The following AP2B1 variants were observed in gnomAD, a reference collection of about 807,000 sequenced individuals.
AP2B1 encodes the protein adaptor related protein complex 2 subunit beta 1, also known as AP-2 complex subunit beta.
A neutral mutation model predicts 102.0 loss-of-function variants in AP2B1; 23 were observed. The observed-to-expected ratio is 0.23, with a 90% confidence interval of 0.16 to 0.32. The LOEUF is 0.32. Among genes scored for constraint, AP2B1 ranks in the 10% least tolerant of loss-of-function variants. AP2B1 has a pLI of 1.00. For synonymous variants in AP2B1, 381 were observed against 421.2 expected, an observed-to-expected ratio of 0.90 and a Z score of 1.17; for missense variants, 541 against 1,157.4, an observed-to-expected ratio of 0.47 and a Z score of 7.73.
chr17:35,643,908 T>C (rs1010429624), intron 12 of AP2B1, among the ~76,000 whole-genome samples: 2 of 152,238 alleles, frequency 1.3e-5, no homozygotes, highest in African/African-American at 4.8e-5. Context: ...TGATCAGCTT[T>C]CTTTTCCATA....
Position 35,637,809 on chromosome 17 carries a change from C to T in AP2B1, c.1271+1353C>T, listed in dbSNP as rs555330839. Reference sequence around the variant, plus strand: ...CAAACATTCTCCTGCCTCAATCTCCCGAGTAGCTGGGATTACAGGTGGCTG... The same window carrying T: ...CAAACATTCTCCTGCCTCAATCTCCTGAGTAGCTGGGATTACAGGTGGCTG... On this transcript the variant is annotated intron_variant, in intron 10 of 21. Transcript: ENST00000610402. Among the ~76,000 whole-genome samples the T allele has an allele frequency of 3.7e-4, 56 of 151,454 alleles. 1 individual carries two copies. The highest frequency in any genetic ancestry group is 1.9e-4 in the Non-Finnish European group (13 of 67,894).
chr17:35,673,910 C>T (rs2075643942), intron 16 of AP2B1, among the ~76,000 whole-genome samples: 2 of 152,122 alleles, frequency 1.3e-5, no homozygotes, highest in Admixed American at 6.5e-5. Context: ...GAGCAGAAGC[C>T]AGGGTCGTTT....
At chr17:35,720,325 G>C (rs1269462470) in intron 21 of AP2B1, among the ~76,000 whole-genome samples, 1 of 151,342 alleles carries the variant, frequency 6.6e-6, no homozygotes, top group Non-Finnish European at 1.5e-5. Context: ...GCCACATATT[G>C]AAATGATCCT....
chr17:35,619,600 A>G (rs544596133), intron 5 of AP2B1, among the ~76,000 whole-genome samples: 86 of 152,222 alleles, frequency 5.6e-4, no homozygotes, highest in African/African-American at 2.0e-3. Context: ...GATTTTACAC[A>G]TCTACATGTG....
chr17:35,661,533 T>C (rs1027331522), intron 14 of AP2B1, among the ~76,000 whole-genome samples: 4 of 152,238 alleles, frequency 2.6e-5, no homozygotes, highest in African/African-American at 9.6e-5. Context: ...TCCCCCTGAA[T>C]ATTTTTCTGT....
intron 1 of AP2B1, among the ~76,000 whole-genome samples, chr17:35,589,907 T>C (rs888954310): frequency 2.6e-5 from 4 of 151,758 alleles, no homozygotes; most frequent in Non-Finnish European, 5.9e-5. Flanking sequence ...CTATTTTGTT[T>C]ACTTTTTCTG....
chr17:35,711,659 G>A (rs1339219722), intron 20 of AP2B1, among the ~76,000 whole-genome samples: 1 of 152,162 alleles, frequency 6.6e-6, no homozygotes, highest in Non-Finnish European at 1.5e-5. Flanking sequence ...TTTTAATAGA[G>A]ACGGGGTTTC....
chr17:35,670,398 C>T (rs1187013072), intron 14 of AP2B1, among the ~76,000 whole-genome samples: 1 of 152,204 alleles, frequency 6.6e-6, no homozygotes, highest in Admixed American at 6.5e-5. Flanking sequence ...AATTAAAACA[C>T]ATTAATTGTT....
Position 35,717,185 on chromosome 17 carries a change from G to A in AP2B1, c.2627-10G>A. On this transcript the variant is annotated splice_polypyrimidine_tract_variant and intron_variant, in intron 20 of 21. Transcript: ENST00000610402. The stretch of plus-strand genomic sequence containing the variant: ...ACTGAAGGTGTTGGATTTTGAATCT[G>A]TATTTCTAGACACTGTTTCCAGCAA... 1 of 1,613,144 alleles carries A rather than the reference G, an allele frequency of 6.2e-7. No homozygotes were observed. The highest frequency in any genetic ancestry group is 8.5e-7 in the Non-Finnish European group (1 of 1,179,548).
At chr17:35,681,697 C>G (rs1257873462) in intron 17 of AP2B1, among the ~76,000 whole-genome samples, 2 of 152,140 alleles carry the variant, frequency 1.3e-5, no homozygotes, top group Non-Finnish European at 2.9e-5. Context: ...ACCACCACAC[C>G]TGGCCTCAGG....
intron 14 of AP2B1, among the ~76,000 whole-genome samples, chr17:35,666,395 C>G (rs7211724): frequency 0.85 from 130,114 of 152,234 alleles, 55,822 homozygotes; most frequent in East Asian, 0.97. Flanking sequence ...CATTTAATGA[C>G]TACAGCAATT....
At chr17:35,592,959 T>C (rs1348232006) in intron 1 of AP2B1, among the ~76,000 whole-genome samples, 1 of 152,252 alleles carries the variant, frequency 6.6e-6, no homozygotes, top group Non-Finnish European at 1.5e-5. Context: ...GCCGTTTTTG[T>C]TAGTAGAGCC....
rs868915194 is a variant in AP2B1, at chr17:35,711,426, C to A, written c.2626+1106C>A. On this transcript the variant is annotated intron_variant, in intron 20 of 21. Coordinates refer to ENST00000610402, the MANE Select transcript of AP2B1 (RefSeq NM_001030006.2). ...CACAGAAAGCAAAAAAAAAAAAAAA[C>A]ACACACACACACAAAATAATGCCTT... 1.1e-3 allele frequency among the ~76,000 whole-genome samples: 136 copies of A among 128,886 alleles called. 1 individual carries two copies. Among genetic ancestry groups the A allele is most frequent in the East Asian group, 2.0e-3 (9 of 4,520 alleles). The allele number at this position is 128,886 out of a possible 152,430, so 84.6% of individuals were successfully genotyped here. A position where few individuals can be genotyped will look rare whatever the true frequency, so the allele number is the denominator to read the frequency against.
chr17:35,676,875 G>GT (rs1459264528), intron 17 of AP2B1, among the ~76,000 whole-genome samples: 1 of 152,012 alleles, frequency 6.6e-6, no homozygotes, highest in Non-Finnish European at 1.5e-5. Flanking sequence ...TTATTATGGA[G>GT]TTGTTAAAGT....
intron 10 of AP2B1, among the ~76,000 whole-genome samples, chr17:35,637,852 T>G (rs2074654420): frequency 1.3e-5 from 2 of 151,810 alleles, no homozygotes; most frequent in South Asian, 4.2e-4. Flanking sequence ...ACCCGGCTAA[T>G]TTTTGTATTT....
intron 3 of AP2B1, among the ~76,000 whole-genome samples, chr17:35,602,335 T>C (rs2073516752): frequency 6.6e-6 from 1 of 152,212 alleles, no homozygotes; most frequent in African/African-American, 2.4e-5. Flanking sequence ...ACAGGAATAG[T>C]TGAAGAACCC....
intron 18 of AP2B1, among the ~76,000 whole-genome samples, chr17:35,697,811 A>C (rs587751806): frequency 6.6e-6 from 1 of 152,096 alleles, no homozygotes; most frequent in East Asian, 1.9e-4. Context: ...AAAATACAAA[A>C]ATTAGCCGGG....
intron 14 of AP2B1, among the ~76,000 whole-genome samples, chr17:35,660,455 T>G (rs2142896955): frequency 6.6e-6 from 1 of 151,834 alleles, no homozygotes; most frequent in South Asian, 2.1e-4. Flanking sequence ...ACCTAGATGC[T>G]CAGATACCTT....
At chr17:35,711,568 A>C (rs1213239179) in intron 20 of AP2B1, among the ~76,000 whole-genome samples, 1 of 151,820 alleles carries the variant, frequency 6.6e-6, no homozygotes, top group Non-Finnish European at 1.5e-5. Flanking sequence ...TCCCGGGTTC[A>C]TGCCATTCTC....
Sources: gnomAD v4.1 joint callset for allele counts (sites outside exome capture counted in the v4.1 genomes callset) on GRCh38, gnomAD v4.1.1 for gene constraint, MANE v1.5 for transcripts, NCBI Gene and HGNC (gene_info 2026-07-23, HGNC 2026-07-21) for gene names.